NAALADL2: variants seen among roughly 807,000 people sequenced by gnomAD.
NAALADL2 encodes inactive N-acetylated-alpha-linked acidic dipeptidase-like protein 2.
A neutral mutation model predicts 87.2 loss-of-function variants in NAALADL2; 76 were observed. The observed-to-expected ratio is 0.87, with a 90% CI of 0.72 to 1.05. The LOEUF is 1.05. Among genes scored for constraint, NAALADL2 ranks in the 50% least tolerant of loss-of-function variants. The pLI, the probability that NAALADL2 is intolerant of heterozygous loss-of-function variation, is 0.00. For missense variants in NAALADL2, 1,089 were observed against 945.8 expected (o/e 1.15, Z -1.99); for synonymous variants, 354 against 331.0 (o/e 1.07, Z -0.75).
chr3:175,803,111 C>G lies in NAALADL2; in HGVS notation c.2296C>G (p.Leu766Val), dbSNP rs1169140118. The G allele has an allele frequency of 5.0e-6, 8 of 1,612,448 alleles. No individual in the cohort carries two copies. Among genetic ancestry groups the G allele is most frequent in the African/African-American group, 1.3e-5 (1 of 74,948 alleles). Residue 766 changes from leucine to valine, a missense_variant, in exon 14 of 14, where the codon CTG becomes GTG. Leu to Val is a conservative substitution (Grantham distance 32). Coordinates refer to ENST00000454872, the MANE Select transcript of NAALADL2 (RefSeq NM_207015.3). ...ATCAAATGAGACCCTTCAAGAAGCC[C>G]TGTCAGAGGTGTTGAACAGCATTAA... Reference protein sequence around the residue: ...LASNETLQEALSEVLNSINSA... With the variant: ...LASNETLQEAVSEVLNSINSA...
chr3:174,894,450 T>C (rs2109813080), intron 1 of NAALADL2, among the ~76,000 whole-genome samples: 1 of 151,480 alleles, frequency 6.6e-6, no homozygotes, highest in Admixed American at 6.6e-5. Flanking sequence ...AAAAATTAAC[T>C]GGGCGTGGTG....
intron 7 of NAALADL2, among the ~76,000 whole-genome samples, chr3:175,466,356 G>A (rs1406505657): frequency 6.6e-6 from 1 of 152,154 alleles, no homozygotes; most frequent in Non-Finnish European, 1.5e-5. Context: ...CATGTGTTAG[G>A]AAGGCTCTCC....
intron 3 of NAALADL2, among the ~76,000 whole-genome samples, chr3:174,762,495 TTTACA>T (rs1427171981): frequency 6.7e-6 from 1 of 149,946 alleles, no homozygotes; most frequent in Non-Finnish European, 1.5e-5. Flanking sequence ...AAAGCAAAAC[TTTACA>T]TTAAACATTT....
intron 7 of NAALADL2, among the ~76,000 whole-genome samples, chr3:175,464,071 T>G (rs1438232768): frequency 6.6e-6 from 1 of 151,960 alleles, no homozygotes; most frequent in Non-Finnish European, 1.5e-5. Flanking sequence ...CCTATCCTCA[T>G]GTGATCCACC....
chr3:175,463,914 C>G (rs75779834), intron 7 of NAALADL2, among the ~76,000 whole-genome samples: 2,183 of 152,316 alleles, frequency 0.014, 42 homozygotes, highest in African/African-American at 0.048. Context: ...ACTGCAGCCT[C>G]TGCCTCCCAA....
chr3:175,305,026 C>G (rs564405733), intron 4 of NAALADL2, among the ~76,000 whole-genome samples: 1 of 152,002 alleles, frequency 6.6e-6, no homozygotes, highest in South Asian at 2.1e-4. Context: ...TTTTACTTTT[C>G]ATTGCATTCT....
chr3:175,723,596 C>G (rs1369702178), intron 11 of NAALADL2, among the ~76,000 whole-genome samples: 3 of 152,052 alleles, frequency 2.0e-5, no homozygotes, highest in Non-Finnish European at 4.4e-5. Flanking sequence ...AAGCCTTTCT[C>G]CAGGTTAATT....
At chr3:175,090,878 G>A (rs1719976444) in intron 1 of NAALADL2, among the ~76,000 whole-genome samples, 1 of 145,078 alleles carries the variant, frequency 6.9e-6, no homozygotes, top group South Asian at 2.2e-4. Flanking sequence ...TCTTTTATGT[G>A]GTTGATGTAC....
intron 5 of NAALADL2, among the ~76,000 whole-genome samples, chr3:175,381,671 CA>C (rs2148986957): frequency 6.6e-6 from 1 of 152,158 alleles, no homozygotes; most frequent in African/African-American, 2.4e-5. Flanking sequence ...TAAGAACTCA[CA>C]AAAAAATTAA....
At chr3:175,475,961 G>A (rs1404117542) in intron 9 of NAALADL2, among the ~76,000 whole-genome samples, 2 of 152,130 alleles carry the variant, frequency 1.3e-5, no homozygotes, top group African/African-American at 4.8e-5. Context: ...GGTCTCAAGT[G>A]ATCTTCCTGC....
At chr3:174,795,510 G>C (rs1214807054) in intron 3 of NAALADL2, among the ~76,000 whole-genome samples, 1 of 152,100 alleles carries the variant, frequency 6.6e-6, no homozygotes, top group African/African-American at 2.4e-5. Context: ...TCTACATACA[G>C]ATTTTTGTAT....
chr3:174,587,620 C>G (rs1716873667), intron 2 of NAALADL2, among the ~76,000 whole-genome samples: 1 of 152,126 alleles, frequency 6.6e-6, no homozygotes, highest in African/African-American at 2.4e-5. Flanking sequence ...GATTTTATTT[C>G]TCCTTCACTT....
chr3:174,580,365 A>G (rs1716031440), intron 2 of NAALADL2, among the ~76,000 whole-genome samples: 1 of 152,108 alleles, frequency 6.6e-6, no homozygotes, highest in Non-Finnish European at 1.5e-5. Flanking sequence ...AAGTTTAATA[A>G]TTTATGTTAG....
At chr3:174,536,928 A>G (rs1316815458) in intron 1 of NAALADL2, among the ~76,000 whole-genome samples, 2 of 152,220 alleles carry the variant, frequency 1.3e-5, no homozygotes, top group Non-Finnish European at 2.9e-5. Flanking sequence ...TAATTTAACA[A>G]TAATGCAAAT....
intron 9 of NAALADL2, among the ~76,000 whole-genome samples, chr3:175,553,221 C>G (rs1383892267): frequency 1.3e-5 from 2 of 152,074 alleles, no homozygotes; most frequent in Non-Finnish European, 2.9e-5. Flanking sequence ...AATAAATATG[C>G]CTAAAACCTG....
intron 2 of NAALADL2, among the ~76,000 whole-genome samples, chr3:174,726,533 T>G (rs1732206934): frequency 6.6e-6 from 1 of 152,174 alleles, no homozygotes; most frequent in African/African-American, 2.4e-5. Flanking sequence ...TAAATTTTTT[T>G]GCCCAAGGTG....
At chr3:174,471,268 A>G (rs78005240) in intron 1 of NAALADL2, among the ~76,000 whole-genome samples, 1 of 152,082 alleles carries the variant, frequency 6.6e-6, no homozygotes, top group East Asian at 1.9e-4. Context: ...TGGGTCCTTT[A>G]AAATTACTCT....
chr3:174,683,542 A>G (rs1205546800), intron 2 of NAALADL2, among the ~76,000 whole-genome samples: 2 of 152,078 alleles, frequency 1.3e-5, no homozygotes, highest in African/African-American at 4.8e-5. Flanking sequence ...TAAAAACTTC[A>G]GTTCACTAAT....
chr3:175,210,397 C>A (rs536633735), intron 2 of NAALADL2, among the ~76,000 whole-genome samples: 1 of 151,806 alleles, frequency 6.6e-6, no homozygotes, highest in African/African-American at 2.4e-5. Context: ...TAGAAAAGCA[C>A]ATACACTTTG....
Sources: allele counts gnomAD v4.1 joint callset (sites outside exome capture counted in the v4.1 genomes callset), GRCh38; gene constraint gnomAD v4.1.1; transcripts MANE v1.5; gene names NCBI Gene and HGNC (gene_info 2026-07-23, HGNC 2026-07-21).